The following LRP8 variants were observed in gnomAD, a reference collection of about 807,000 sequenced individuals.
LRP8 encodes LDL receptor related protein 8, also known as low-density lipoprotein receptor-related protein 8.
A neutral mutation model predicts 111.6 loss-of-function variants in LRP8; 46 were observed. The ratio of observed to expected loss-of-function variants is 0.41; its 90% CI spans 0.33 to 0.53. The LOEUF is 0.53. Among genes scored for constraint, LRP8 ranks in the 20% least tolerant of loss-of-function variants. The pLI, the probability that LRP8 is intolerant of heterozygous loss-of-function variation, is 0.20. For synonymous variants in LRP8, 464 were observed against 511.2 expected (o/e 0.91, Z 1.24); for missense variants, 959 against 1,297.4 (o/e 0.74, Z 4.01).
rs1651272454 is a variant in LRP8 at position 53,303,020 on chromosome 1, T to A, written c.245-13331A>T. ...CTCAGAGCCTCAGCTTCCTCAACAA[T>A]AAAATGGGGCTAACCACCTCAGAGG... is the stretch of plus-strand genomic sequence containing the variant. On this transcript the variant is annotated intron_variant, in intron 2 of 18. Transcript: ENST00000306052. The surrounding 1 kb of genome is among the most constrained non-coding windows in gnomAD (Gnocchi z 4.3). Among the ~76,000 whole-genome samples, 1 of 152,034 alleles carries A rather than the reference T, an allele frequency of 6.6e-6. No homozygotes were observed. The highest frequency in any genetic ancestry group is 6.6e-5 in the Admixed American group (1 of 15,246).
rs142333579 is a variant in LRP8 at position 53,262,488 on chromosome 1, G to T, written c.1732C>A (p.Leu578Met). The change falls in exon 11 of 19, where the codon CTG becomes ATG. Residue 578 changes from leucine to methionine, a missense_variant. Around this residue, in one of 3 missense-constraint regions of LRP8, gnomAD observed 819 missense variants for 1,097.6 expected, o/e 0.75. Coordinates refer to ENST00000306052, the MANE Select transcript of LRP8 (RefSeq NM_004631.5). This position sits in a 1 kb window ranked among gnomAD's most constrained non-coding sequence, Gnocchi z 4.8. ...SGLNGVDRQT[L>M]VSDNIEWPNG... ...GGCCATTCAATATTGTCTGACACCA[G>T]TGTTTGCCGGTCCACACCGTTGAGC... is the stretch of plus-strand genomic sequence containing the variant. The T allele has an allele frequency of 3.7e-6, 6 of 1,614,068 alleles. No homozygotes were observed. In the Admixed American group the frequency reaches 8.3e-5, roughly 22 times the overall value.
chr1:53,311,521 A>G (rs919133570), intron 2 of LRP8, among the ~76,000 whole-genome samples: 8 of 151,756 alleles, frequency 5.3e-5, no homozygotes, highest in Non-Finnish European at 1.0e-4. Context: ...TCCTCCCTCC[A>G]TCTGTCAGGA....
intron 2 of LRP8, among the ~76,000 whole-genome samples, chr1:53,298,617 G>GGCAAT (rs1177904711): frequency 2.0e-5 from 3 of 152,222 alleles, no homozygotes; most frequent in African/African-American, 7.2e-5. Context: ...CAGAAGGCAA[G>GGCAAT]GCCAGGAGAC....
chr1:53,250,627 G>T lies in LRP8; in HGVS notation c.2676+63C>A. On this transcript the variant is annotated intron_variant, in intron 17 of 18. Transcript: ENST00000306052. The surrounding 1 kb of genome is among the most constrained non-coding windows in gnomAD (Gnocchi z 4.6). ...ATGGGAAGGAAGAAAGGATGGGAGG[G>T]GAAGAAAGGATGGAAGGGAAGATGG... The T allele has an allele frequency of 7.0e-7, 1 of 1,431,960 alleles. No homozygotes were observed. The highest frequency in any genetic ancestry group is 9.7e-7 in the Non-Finnish European group (1 of 1,027,454). The allele number at this position is 1,431,960 out of a possible 1,614,324, so 88.7% of individuals were successfully genotyped here.
At chr1:53,295,673 T>C (rs1201436124) in intron 2 of LRP8, among the ~76,000 whole-genome samples, 1 of 152,170 alleles carries the variant, frequency 6.6e-6, no homozygotes, top group Non-Finnish European at 1.5e-5. Flanking sequence ...TAGACACTTA[T>C]TATTTTCCCC....
intron 1 of LRP8, 101 bp from the exon 2 acceptor site, chr1:53,327,093 G>A (rs1655240431): frequency 3.3e-6 from 5 of 1,521,082 alleles, no homozygotes; most frequent in Non-Finnish European, 4.4e-6. Flanking sequence ...AGGAGGAAAG[G>A]GGGCGATTAT....
At position 53,317,048 on chromosome 1, in the gene LRP8, C is replaced by T. The variant is rs59945990; in HGVS notation, c.244+9825G>A. On this transcript the variant is annotated intron_variant, in intron 2 of 18. Coordinates refer to ENST00000306052, the MANE Select transcript of LRP8 (RefSeq NM_004631.5). The surrounding 1 kb of genome is among the most constrained non-coding windows in gnomAD (Gnocchi z 4.9). ...TAGTCACCTCCCTCCTGGTACACAG[C>T]CCCTCCTCTGAAGCACACACCCCAA... 0.053 allele frequency among the ~76,000 whole-genome samples: 8,081 copies of T among 152,176 alleles called. 568 individuals carry two copies. Among genetic ancestry groups the T allele is most frequent in the African/African-American group, 0.16 (6,432 of 41,464 alleles).
Position 53,257,273 on chromosome 1 carries a change from G to C in LRP8, c.2401C>G (p.Leu801Val), listed in dbSNP as rs1419852930. ...GAGTGGTTGCTGGTTGCAGGGCTTA[G>C]GGTAGACGGGCTGATGCTGGGAGCC... ...PRAPSISPSTLSPATSNHSQH... is the reference protein window; with the variant it reads ...PRAPSISPSTVSPATSNHSQH... Residue 801 changes from leucine (L) to valine (V), a missense_variant, in exon 15 of 19, where the codon CTA becomes GTA. By Grantham distance (32) the Leu-to-Val change is conservative. Transcript: ENST00000306052. 6.2e-7 allele frequency: 1 copy of C among 1,614,156 alleles called. No homozygotes were observed. Among genetic ancestry groups the C allele is most frequent in the South Asian group, 1.1e-5 (1 of 91,082 alleles).
At chr1:53,312,939 C>G (rs562948752) in intron 2 of LRP8, among the ~76,000 whole-genome samples, 2 of 152,338 alleles carry the variant, frequency 1.3e-5, no homozygotes, top group South Asian at 4.1e-4. Flanking sequence ...TGGGCGTTTT[C>G]GCTGAAAAGA....
intron 16 of LRP8, among the ~76,000 whole-genome samples, chr1:53,253,654 G>A (rs1352135261): frequency 6.6e-6 from 1 of 152,180 alleles, no homozygotes; most frequent in African/African-American, 2.4e-5. Flanking sequence ...CAAGAAAGGG[G>A]TAGATTTATC....
At chr1:53,297,643 C>A (rs1011447940) in intron 2 of LRP8, among the ~76,000 whole-genome samples, 6 of 152,208 alleles carry the variant, frequency 3.9e-5, no homozygotes, top group Non-Finnish European at 7.3e-5. Context: ...GGATTCACCC[C>A]ATTCGGAATG....
intron 3 of LRP8, among the ~76,000 whole-genome samples, chr1:53,285,896 C>T (rs1287192128): frequency 2.0e-5 from 3 of 152,164 alleles, no homozygotes; most frequent in African/African-American, 7.2e-5. Flanking sequence ...CCAAAGCTGG[C>T]AAGGGGGCTT....
chr1:53,251,019 A>G (rs940305865), intron 16 of LRP8, among the ~76,000 whole-genome samples, 157 bp from the exon 17 acceptor site: 2 of 152,182 alleles, frequency 1.3e-5, no homozygotes, highest in Middle Eastern at 6.8e-3. Flanking sequence ...CCCATCTCTC[A>G]TCCCTTCTTT....
rs1020940174 is a variant in LRP8, at chr1:53,267,000, C to T, written c.1253-353G>A. The T allele has an allele frequency of 9.3e-6, 2 of 214,362 alleles. No homozygotes were observed. The highest frequency in any genetic ancestry group is 4.5e-5 in the African/African-American group (2 of 44,628). 13.3% of individuals were successfully genotyped at this position (214,362 alleles called of 1,614,324 possible). On this transcript the variant is annotated intron_variant, in intron 8 of 18. Coordinates refer to ENST00000306052, the MANE Select transcript of LRP8 (RefSeq NM_004631.5). This position sits in a 1 kb window ranked among gnomAD's most constrained non-coding sequence, Gnocchi z 5.0. ...TCGCCTCTCCAACATAGCTTGATTC[C>T]ACCTACCAGATACCATTACCTAGCC...
chr1:53,274,224 C>T (rs1464397545), intron 6 of LRP8, among the ~76,000 whole-genome samples: 1 of 152,234 alleles, frequency 6.6e-6, no homozygotes, highest in Non-Finnish European at 1.5e-5. Context: ...GCTGCAAGGC[C>T]TGCCTTACTC....
rs902587979 is a variant in LRP8, at chr1:53,262,125, C to T, written c.1857G>A (p.Lys619=). The T allele has an allele frequency of 4.3e-6, 7 of 1,614,060 alleles. No individual in the cohort carries two copies. Among genetic ancestry groups the T allele is most frequent in the Non-Finnish European group, 5.9e-6 (7 of 1,180,056 alleles). The change falls in exon 12 of 19, where the codon AAG becomes AAA. Residue 619 remains lysine (K), a synonymous_variant. Coordinates refer to ENST00000306052, the MANE Select transcript of LRP8 (RefSeq NM_004631.5). This position sits in a 1 kb window ranked among gnomAD's most constrained non-coding sequence, Gnocchi z 4.8. The part of the protein sequence containing the change: ...SSIDFSGGNR[K]TLISSTDFLS... ...GGAAGTCAGTGGAGGAGATCAGCGT[C>T]TTTCTGTTGCCTCCACTGAAGTCAA...
At chr1:53,322,699 C>G (rs972051424) in intron 2 of LRP8, among the ~76,000 whole-genome samples, 1 of 152,132 alleles carries the variant, frequency 6.6e-6, no homozygotes, top group South Asian at 2.1e-4. Flanking sequence ...CAGAAAGGAG[C>G]CACACTGTCG....
chr1:53,271,345 C>G lies in LRP8; in HGVS notation c.1008G>C (p.Gly336=), dbSNP rs761379723. ...DGSDEAGCLQ[G]LNECLHNNGG... ...CATTGTTGTGCAGACACTCGTTCAG[C>G]CCTGGGGAGGGACATGGGCTCCTGA... Residue 336 remains glycine (G), a splice_region_variant and synonymous_variant, in exon 7 of 19, where the codon GGG becomes GGC. Coordinates refer to ENST00000306052, the MANE Select transcript of LRP8 (RefSeq NM_004631.5). 1.9e-6 allele frequency: 3 copies of G among 1,613,950 alleles called. No homozygotes were observed. The highest frequency in any genetic ancestry group is 4.5e-5 in the East Asian group (2 of 44,860).
Position 53,271,064 on chromosome 1 carries a change from C to T in LRP8, c.1216G>A (p.Glu406Lys), listed in dbSNP as rs149929515. Residue 406 changes from glutamate (E) to lysine (K), a missense_variant, in exon 8 of 19, where the codon GAG becomes AAG. This residue lies in a region of LRP8 where 819 missense variants were observed against 1,097.6 expected (regional missense o/e 0.75). Transcript: ENST00000306052. ...CAGTTCTTGGTCAGTAGGTCCATCT[C>T]GTAGCCAGGGTAGCACTCACACTTA... is the stretch of plus-strand genomic sequence containing the variant. ...YFKCECYPGY[E>K]MDLLTKNCKA... 1.4e-5 allele frequency: 23 copies of T among 1,613,924 alleles called. No homozygotes were observed. The highest frequency in any genetic ancestry group is 3.3e-4 in the Middle Eastern group (2 of 6,084).
Sources: allele counts gnomAD v4.1 joint callset (sites outside exome capture counted in the v4.1 genomes callset), GRCh38; gene constraint gnomAD v4.1.1; regional missense constraint gnomAD v4.1.1; non-coding constraint Gnocchi (gnomAD v3.1); transcripts MANE v1.5; gene names NCBI Gene and HGNC (gene_info 2026-07-23, HGNC 2026-07-21).